MAP1LC3B2: variants seen among roughly 807,000 people sequenced by gnomAD.
The protein encoded by MAP1LC3B2 is microtubule-associated protein 1 light chain 3 beta 2.
For synonymous variants in MAP1LC3B2, 62 were observed against 57.8 expected (o/e 1.07, Z -0.33); for missense variants, 155 against 154.6 (o/e 1.00, Z -0.01).
chr12:116,563,297 C>T (rs373005277), intron 1 of MAP1LC3B2, among the ~76,000 whole-genome samples: 3 of 150,212 alleles, frequency 2.0e-5, no homozygotes, highest in Admixed American at 6.9e-5. Context: ...GTAGGTCTAC[C>T]GGTAATAAAT....
At chr12:116,568,523 G>A (rs563211951) in intron 1 of MAP1LC3B2, among the ~76,000 whole-genome samples, 22 of 152,226 alleles carry the variant, frequency 1.4e-4, no homozygotes, top group Non-Finnish European at 2.5e-4. Context: ...TCAGGCTGGG[G>A]CTGGAATCAC....
intron 1 of MAP1LC3B2, among the ~76,000 whole-genome samples, chr12:116,567,947 G>T (rs1321077864): frequency 6.6e-6 from 1 of 152,064 alleles, no homozygotes; most frequent in African/African-American, 2.4e-5. Context: ...AAGGACAAAC[G>T]ATCATGTTCC....
rs574825036 is a variant in MAP1LC3B2, at chr12:116,565,977, A to T, written c.-102+6544A>T. 1.6e-4 allele frequency among the ~76,000 whole-genome samples: 24 copies of T among 152,340 alleles called. 1 individual carries two copies. The Middle Eastern group carries it at 0.01, about 65-fold the overall frequency. The stretch of plus-strand genomic sequence containing the variant: ...GCTATTTCACCACAAGGCTGCATGA[A>T]TTCGTTCTTTCCCCTGACATCTCTG... On this transcript the variant is annotated intron_variant, in intron 1 of 1. Transcript: ENST00000556529.
intron 1 of MAP1LC3B2, among the ~76,000 whole-genome samples, chr12:116,572,190 C>T (rs1869554553): frequency 6.6e-6 from 1 of 152,174 alleles, no homozygotes. Context: ...GTTGTACCTT[C>T]AGCAGATAGA....
intron 1 of MAP1LC3B2, among the ~76,000 whole-genome samples, chr12:116,566,819 T>C (rs1869397996): frequency 6.7e-6 from 1 of 149,692 alleles, no homozygotes; most frequent in African/African-American, 2.5e-5. Flanking sequence ...TAGTCCCAGC[T>C]ACTCAGGAGG....
Position 116,560,238 on chromosome 12 carries a change from A to ATG in MAP1LC3B2, c.-102+806_-102+807insGT, listed in dbSNP as rs1230708754. Reference sequence around the variant, plus strand: ...TATATATATATATATATATATATATATATGTATGTATATGTATATATATAT... The same window carrying ATG: ...TATATATATATATATATATATATATATGTATGTATGTATATGTATATATATAT... On this transcript the variant is annotated intron_variant, in intron 1 of 1. Coordinates refer to ENST00000556529, the MANE Select transcript of MAP1LC3B2 (RefSeq NM_001085481.3). Among the ~76,000 whole-genome samples, 25 of 106,348 alleles carry ATG rather than the reference A, an allele frequency of 2.4e-4. 1 individual carries two copies. In the East Asian group the frequency reaches 4.3e-3, roughly 18 times the overall value. 69.8% of individuals were successfully genotyped at this position (106,348 alleles called of 152,430 possible).
intron 1 of MAP1LC3B2, among the ~76,000 whole-genome samples, chr12:116,567,892 A>G (rs762400330): frequency 6.6e-6 from 1 of 152,202 alleles, no homozygotes; most frequent in Non-Finnish European, 1.5e-5. Context: ...TTTGGGGATT[A>G]GGAAAACCTT....
At position 116,576,013 on chromosome 12, in the gene MAP1LC3B2, G is replaced by T. The variant is rs375931993; in HGVS notation, c.71G>T (p.Arg24Leu). The change falls in exon 2 of 2, where the codon CGA (arginine) becomes CTA (leucine). Residue 24 changes from arginine (R) to leucine (L), a missense_variant. By Grantham distance (102) the Arg-to-Leu change is moderately radical (BLOSUM62 -2). Coordinates refer to ENST00000556529, the MANE Select transcript of MAP1LC3B2 (RefSeq NM_001085481.3). ...EQRVEDVRLIREQHPTKIPVI... is the reference protein window; with the variant it reads ...EQRVEDVRLILEQHPTKIPVI... ...AGAGTAGAAGATGTCCGACTTATTC[G>T]AGAGCAGCATCCAACCAAAATCCCG... 1 of 1,614,184 alleles carries T rather than the reference G, an allele frequency of 6.2e-7. No homozygotes were observed. The highest frequency in any genetic ancestry group is 1.7e-5 in the Admixed American group (1 of 60,026).
At chr12:116,569,727 A>T (rs1869481535) in intron 1 of MAP1LC3B2, among the ~76,000 whole-genome samples, 2 of 152,122 alleles carry the variant, frequency 1.3e-5, no homozygotes, top group Admixed American at 1.3e-4. Flanking sequence ...AGAAATGGGG[A>T]TAAAGTAAAA....
chr12:116,575,586 G>A (rs1869651244), intron 1 of MAP1LC3B2, among the ~76,000 whole-genome samples: 1 of 152,122 alleles, frequency 6.6e-6, no homozygotes, highest in Non-Finnish European at 1.5e-5. Flanking sequence ...TTAATAGAAG[G>A]CACCCCAGTT....
At chr12:116,568,262 C>T (rs564064031) in intron 1 of MAP1LC3B2, among the ~76,000 whole-genome samples, 19 of 152,320 alleles carry the variant, frequency 1.2e-4, no homozygotes, top group African/African-American at 1.7e-4. Flanking sequence ...TGCACAGACA[C>T]GTACACACAA....
Position 116,576,000 on chromosome 12 carries a change from G to A in MAP1LC3B2, c.58G>A (p.Val20Ile). The A allele has an allele frequency of 6.2e-7, 1 of 1,614,240 alleles. No individual in the cohort carries two copies. The highest frequency in any genetic ancestry group is 1.3e-5 in the African/African-American group (1 of 75,066). Reference protein sequence around the residue: ...RRTFEQRVEDVRLIREQHPTK... With the variant: ...RRTFEQRVEDIRLIREQHPTK... ...CACCTTCGAACAAAGAGTAGAAGAT[G>A]TCCGACTTATTCGAGAGCAGCATCC... The change falls in exon 2 of 2, where the codon GTC becomes ATC. Residue 20 changes from valine (V) to isoleucine (I), a missense_variant. Coordinates refer to ENST00000556529, the MANE Select transcript of MAP1LC3B2 (RefSeq NM_001085481.3).
chr12:116,564,849 T>C (rs1269132471), intron 1 of MAP1LC3B2, among the ~76,000 whole-genome samples: 1 of 152,226 alleles, frequency 6.6e-6, no homozygotes, highest in African/African-American at 2.4e-5. Flanking sequence ...CTCCCTGTGC[T>C]GCAGTCTAAA....
At chr12:116,561,036 G>A (rs941774194) in intron 1 of MAP1LC3B2, among the ~76,000 whole-genome samples, 1 of 152,098 alleles carries the variant, frequency 6.6e-6, no homozygotes, top group African/African-American at 2.4e-5. Flanking sequence ...AGAATCACTT[G>A]AATCCGGGAA....
intron 1 of MAP1LC3B2, among the ~76,000 whole-genome samples, chr12:116,560,404 G>A (rs1869240975): frequency 1.3e-5 from 2 of 151,350 alleles, no homozygotes; most frequent in Non-Finnish European, 2.9e-5. Context: ...GCGCCACCAC[G>A]CCCAGCTAAT....
At chr12:116,561,736 C>T (rs1385557405) in intron 1 of MAP1LC3B2, among the ~76,000 whole-genome samples, 1 of 152,174 alleles carries the variant, frequency 6.6e-6, no homozygotes, top group Non-Finnish European at 1.5e-5. Flanking sequence ...AGGTATTTAC[C>T]CTCCCTGGGC....
intron 1 of MAP1LC3B2, among the ~76,000 whole-genome samples, chr12:116,570,027 C>T (rs1422533318): frequency 6.6e-6 from 1 of 152,100 alleles, no homozygotes; most frequent in Non-Finnish European, 1.5e-5. Flanking sequence ...GCACTCCAGC[C>T]TGGCCACAGA....
chr12:116,560,559 G>T (rs983914801), intron 1 of MAP1LC3B2, among the ~76,000 whole-genome samples: 1 of 151,994 alleles, frequency 6.6e-6, no homozygotes. Flanking sequence ...CTTTTACACT[G>T]TAGTGGGTTT....
chr12:116,561,962 G>T (rs1426448600), intron 1 of MAP1LC3B2, among the ~76,000 whole-genome samples: 1 of 152,080 alleles, frequency 6.6e-6, no homozygotes, highest in Non-Finnish European at 1.5e-5. Context: ...GCTTGCCTTC[G>T]GGAGACCATC....
Sources: gnomAD v4.1 joint callset for allele counts (sites outside exome capture counted in the v4.1 genomes callset) on GRCh38, gnomAD v4.1.1 for gene constraint, MANE v1.5 for transcripts, NCBI Gene and HGNC (gene_info 2026-07-23, HGNC 2026-07-21) for gene names.